Variants in TNIK observed in about 807,000 individuals in gnomAD.
TNIK encodes the protein TRAF2 and NCK-interacting protein kinase.
Under a neutral mutation model 191.3 loss-of-function variants are expected in TNIK, and 49 were observed. The observed-to-expected ratio is 0.26, with a 90% CI of 0.20 to 0.32. The LOEUF is 0.32. Among genes scored for constraint, TNIK ranks in the 10% least tolerant of loss-of-function variants. TNIK has a pLI of 1.00. For synonymous variants in TNIK, 594 were observed against 600.9 expected (o/e 0.99, Z 0.17); for missense variants, 1,155 against 1,702.3 (o/e 0.68, Z 5.66).
chr3:171,228,245 A>G, intron 2 of TNIK, 24 bp from the exon 3 acceptor site: 1 of 1,613,228 alleles, frequency 6.2e-7, no homozygotes, highest in Non-Finnish European at 8.5e-7. Context: ...ATAATAACAA[A>G]AGATTTAGTT....
At chr3:171,413,109 C>A (rs886180061) in intron 1 of TNIK, among the ~76,000 whole-genome samples, 1 of 152,198 alleles carries the variant, frequency 6.6e-6, no homozygotes, top group African/African-American at 2.4e-5. Flanking sequence ...AAACAATGTG[C>A]ATTTTCCTTT....
chr3:171,106,064 T>C (rs1244227544), intron 21 of TNIK, among the ~76,000 whole-genome samples: 3 of 152,164 alleles, frequency 2.0e-5, no homozygotes, highest in Non-Finnish European at 4.4e-5. Flanking sequence ...TGATCATAAC[T>C]GTCTCGTCAC....
chr3:171,111,826 A>G (rs59240886), intron 18 of TNIK, among the ~76,000 whole-genome samples: 12,716 of 152,238 alleles, frequency 0.084, 1,454 homozygotes, highest in African/African-American at 0.26. Context: ...TCAAAAAGAC[A>G]AATACTACAT....
intron 1 of TNIK, among the ~76,000 whole-genome samples, chr3:171,410,474 G>T (rs1209398296): frequency 6.6e-6 from 1 of 152,106 alleles, no homozygotes; most frequent in East Asian, 1.9e-4. Context: ...AATGAAGGCT[G>T]CAGTCTCTTT....
intron 32 of TNIK, among the ~76,000 whole-genome samples, chr3:171,064,452 A>T (rs1718169058): frequency 6.6e-6 from 1 of 152,186 alleles, no homozygotes; most frequent in Admixed American, 6.5e-5. Context: ...ACAGTTTCAG[A>T]TTTCAGTTTT....
At chr3:171,185,708 C>T (rs1049816875) in intron 7 of TNIK, among the ~76,000 whole-genome samples, 2 of 152,276 alleles carry the variant, frequency 1.3e-5, no homozygotes, top group African/African-American at 4.8e-5. Flanking sequence ...AGACCTTATA[C>T]GTTGAGTTAC....
rs11928024 is a variant in TNIK at position 171,357,440 on chromosome 3, C to T, written c.123+12180G>A. On this transcript the variant is annotated intron_variant, in intron 2 of 32. Transcript: ENST00000436636. ...AGTAGCTGGGATTACAGGCCCAGAC[C>T]ACCACACTCAGCTAGTTTTTGTATT... 7.0e-3 allele frequency among the ~76,000 whole-genome samples: 1,068 copies of T among 152,096 alleles called. 9 individuals are homozygous for T. Among genetic ancestry groups the T allele is most frequent in the African/African-American group, 0.024 (980 of 41,478 alleles).
At chr3:171,258,428 G>A (rs886945417) in intron 2 of TNIK, among the ~76,000 whole-genome samples, 2 of 152,074 alleles carry the variant, frequency 1.3e-5, no homozygotes, top group Non-Finnish European at 2.9e-5. Flanking sequence ...GAGATGGGAG[G>A]ATGACTCATT....
chr3:171,125,314 G>T (rs897405752), intron 17 of TNIK, among the ~76,000 whole-genome samples: 1 of 152,156 alleles, frequency 6.6e-6, no homozygotes, highest in Admixed American at 6.5e-5. Context: ...GAAAACAAAA[G>T]AACCCAAACT....
intron 1 of TNIK, among the ~76,000 whole-genome samples, chr3:171,398,614 T>C (rs1157138290): frequency 6.6e-6 from 1 of 152,172 alleles, no homozygotes; most frequent in Admixed American, 6.5e-5. Context: ...CAGTGTTACC[T>C]AAACTTTTTC....
intron 6 of TNIK, among the ~76,000 whole-genome samples, chr3:171,189,629 G>T: frequency 6.6e-6 from 1 of 152,158 alleles, no homozygotes; most frequent in Non-Finnish European, 1.5e-5. Context: ...ACCTCTCTGA[G>T]CTTCGGTTTC....
intron 10 of TNIK, among the ~76,000 whole-genome samples, chr3:171,166,504 G>C (rs1438557420): frequency 6.6e-6 from 1 of 152,198 alleles, no homozygotes; most frequent in Non-Finnish European, 1.5e-5. Flanking sequence ...ATAAGAGCTA[G>C]AGTCACAAAG....
intron 2 of TNIK, among the ~76,000 whole-genome samples, chr3:171,304,317 C>T (rs1753182662): frequency 6.6e-6 from 1 of 152,106 alleles, no homozygotes; most frequent in South Asian, 2.1e-4. Flanking sequence ...GAGATACCAT[C>T]TCACACCAGT....
chr3:171,347,355 T>G, intron 2 of TNIK: 1 of 837,430 alleles, frequency 1.2e-6, no homozygotes, highest in Non-Finnish European at 1.8e-6. Flanking sequence ...AAGTCCTAAG[T>G]GCCTGCAGAG....
At chr3:171,430,373 C>T (rs1461040617) in intron 1 of TNIK, among the ~76,000 whole-genome samples, 1 of 152,114 alleles carries the variant, frequency 6.6e-6, no homozygotes, top group Non-Finnish European at 1.5e-5. Flanking sequence ...GTCATAGTGG[C>T]TCATCCCTGT....
chr3:171,128,618 T>C (rs1267779365), intron 16 of TNIK, 96 bp downstream of exon 16: 97 of 1,401,168 alleles, frequency 6.9e-5, no homozygotes, highest in Non-Finnish European at 9.0e-5. Flanking sequence ...AATTTGATCC[T>C]GTGCCTGAAT....
chr3:171,307,429 G>A (rs971772576), intron 2 of TNIK, among the ~76,000 whole-genome samples: 25 of 152,268 alleles, frequency 1.6e-4, no homozygotes, highest in Middle Eastern at 6.8e-3. Context: ...GAAGTTCCTT[G>A]TGATATATGA....
intron 2 of TNIK, among the ~76,000 whole-genome samples, chr3:171,269,822 T>C (rs1386010762): frequency 6.6e-6 from 1 of 152,206 alleles, no homozygotes; most frequent in Non-Finnish European, 1.5e-5. Context: ...GACTCTTGCA[T>C]CAAGGTCAGA....
chr3:171,145,988 A>G (rs1277818298), intron 12 of TNIK, among the ~76,000 whole-genome samples: 1 of 152,208 alleles, frequency 6.6e-6, no homozygotes, highest in Non-Finnish European at 1.5e-5. Flanking sequence ...GACATTATTC[A>G]TTGCACTACT....
Sources: allele counts gnomAD v4.1 joint callset (sites outside exome capture counted in the v4.1 genomes callset), GRCh38; gene constraint gnomAD v4.1.1; transcripts MANE v1.5; gene names NCBI Gene and HGNC (gene_info 2026-07-23, HGNC 2026-07-21).